MAP3K3: variants seen among roughly 807,000 people sequenced by gnomAD.
MAP3K3 encodes MAP/ERK kinase kinase 3.
In MAP3K3, 12 loss-of-function variants were observed where a neutral mutation model predicts 80.9. The observed-to-expected ratio is 0.15, with a 90% CI of 0.10 to 0.24. The LOEUF is 0.24. Ranked by LOEUF, MAP3K3 falls within the 10% of genes least tolerant of loss-of-function variation. The probability of loss-of-function intolerance (pLI) is 1.00; values close to 1 mark genes in which losing one functional copy is unlikely to be tolerated. For synonymous variants in MAP3K3, 272 were observed against 307.1 expected, an observed-to-expected ratio of 0.89 and a Z score of 1.19; for missense variants, 596 against 834.7, an observed-to-expected ratio of 0.71 and a Z score of 3.52.
In MAP3K3 at chr17:63,691,681, C is replaced by T. The variant is rs2035593993; in HGVS notation, c.1345-52C>T. 6 of 1,589,238 alleles carry T rather than the reference C, an allele frequency of 3.8e-6. No individual in the cohort carries two copies. Among genetic ancestry groups the T allele is most frequent in the Admixed American group, 3.4e-5 (2 of 58,816 alleles). Reference sequence around the variant, plus strand: ...TGCTGGGGGCTGGAATGGGCTTGCCCCTCCACCAGCCCTCCCCTGAGGGGA... The same window carrying T: ...TGCTGGGGGCTGGAATGGGCTTGCCTCTCCACCAGCCCTCCCCTGAGGGGA... On this transcript the variant is annotated intron_variant, in intron 13 of 15. Coordinates refer to ENST00000361733, the MANE Select transcript of MAP3K3 (RefSeq NM_002401.5). The surrounding 1 kb of genome is among the most constrained non-coding windows in gnomAD (Gnocchi z 4.8).
chr17:63,662,999 T>C (rs1200107180), intron 5 of MAP3K3, among the ~76,000 whole-genome samples: 2 of 151,784 alleles, frequency 1.3e-5, no homozygotes, highest in East Asian at 3.9e-4. Context: ...TTAGAATTAT[T>C]GTAGTCCTTG....
intron 6 of MAP3K3, among the ~76,000 whole-genome samples, chr17:63,675,182 A>C (rs920971573): frequency 1.3e-5 from 2 of 152,198 alleles, no homozygotes; most frequent in Non-Finnish European, 2.9e-5. Flanking sequence ...TCTTATGGAA[A>C]TTCTACCCAC....
intron 6 of MAP3K3, among the ~76,000 whole-genome samples, chr17:63,676,761 C>G (rs1484489887): frequency 6.6e-6 from 1 of 152,200 alleles, no homozygotes; most frequent in African/African-American, 2.4e-5. Flanking sequence ...GTCCAGAAGT[C>G]CAGTGCCCCT....
chr17:63,643,027 G>T (rs1278440191), intron 2 of MAP3K3, among the ~76,000 whole-genome samples: 1 of 151,330 alleles, frequency 6.6e-6, no homozygotes, highest in African/African-American at 2.4e-5. Flanking sequence ...CAAAGTGTTG[G>T]GGTTAGAAGC....
At chr17:63,649,494 C>T (rs2034607380) in intron 3 of MAP3K3, among the ~76,000 whole-genome samples, 1 of 151,810 alleles carries the variant, frequency 6.6e-6, no homozygotes, top group African/African-American at 2.4e-5. Flanking sequence ...GTGGTGTGAT[C>T]GTGGAGCCTC....
chr17:63,675,959 C>T lies in MAP3K3; in HGVS notation c.503-5807C>T, dbSNP rs150514652. Reference sequence around the variant, plus strand: ...TGTTTAGCTCCCTGTCTCACTTGCTCTCAACTGTTGTGTATCTCATTGGCT... The same window carrying T: ...TGTTTAGCTCCCTGTCTCACTTGCTTTCAACTGTTGTGTATCTCATTGGCT... On this transcript the variant is annotated intron_variant, in intron 6 of 15. Transcript: ENST00000361733. Among the ~76,000 whole-genome samples, 1,267 of 152,316 alleles carry T rather than the reference C, an allele frequency of 8.3e-3. 14 individuals carry two copies. The highest frequency in any genetic ancestry group is 0.014 in the Non-Finnish European group (948 of 68,030).
At chr17:63,637,192 CA>C (rs796796374) in intron 2 of MAP3K3, 5,343 of 77,806 alleles carry the variant, frequency 0.069, 19 homozygotes, top group Middle Eastern at 0.16. Context: ...TGAGACCAAC[CA>C]AAAAAAAAAA....
At chr17:63,661,999 A>G (rs1473832947) in intron 5 of MAP3K3, among the ~76,000 whole-genome samples, 2 of 152,118 alleles carry the variant, frequency 1.3e-5, no homozygotes, top group Non-Finnish European at 1.5e-5. Context: ...GCTACTCGGG[A>G]GGCTGAGGCA....
chr17:63,644,585 A>G (rs2034505644), intron 2 of MAP3K3, among the ~76,000 whole-genome samples: 1 of 152,244 alleles, frequency 6.6e-6, no homozygotes, highest in Non-Finnish European at 1.5e-5. Flanking sequence ...GTAAATACCA[A>G]TAGATATAAT....
In MAP3K3 at chr17:63,665,322, C is replaced by T. The variant is rs991410885; in HGVS notation, c.382-1618C>T. Among the ~76,000 whole-genome samples the T allele has an allele frequency of 9.9e-5, 15 of 151,924 alleles. No individual in the cohort carries two copies. The East Asian group carries it at 2.0e-3, about 20-fold the overall frequency. Reference sequence around the variant, plus strand: ...CTGGGACTACAGGTGCCTGCCACCACGCCCAGCTAATTTTTTGTATTTTTA... The same window carrying T: ...CTGGGACTACAGGTGCCTGCCACCATGCCCAGCTAATTTTTTGTATTTTTA... On this transcript the variant is annotated intron_variant, in intron 5 of 15. Transcript: ENST00000361733.
At position 63,689,977 on chromosome 17, in the gene MAP3K3, C is replaced by G; in HGVS notation, c.1063+242C>G. 1 of 579,930 alleles carries G rather than the reference C, an allele frequency of 1.7e-6. No homozygotes were observed. Among genetic ancestry groups the G allele is most frequent in the South Asian group, 2.3e-5 (1 of 44,300 alleles). 35.9% of individuals were successfully genotyped at this position (579,930 alleles called of 1,614,324 possible). A position where few individuals can be genotyped will look rare whatever the true frequency, so the allele number is the denominator to read the frequency against. ...ACTAGGGAAGAGCACACCCTTCATC[C>G]CTGCCATATTAAGATATTTAGGGGC... On this transcript the variant is annotated intron_variant, in intron 11 of 15. Transcript: ENST00000361733. The surrounding 1 kb of genome is among the most constrained non-coding windows in gnomAD (Gnocchi z 4.3).
Position 63,657,846 on chromosome 17 carries a change from T to C in MAP3K3, c.320T>C (p.Leu107Ser). The C allele has an allele frequency of 6.2e-7, 1 of 1,609,644 alleles. No individual in the cohort carries two copies. Among genetic ancestry groups the C allele is most frequent in the Non-Finnish European group, 8.5e-7 (1 of 1,177,182 alleles). The stretch of plus-strand genomic sequence containing the variant: ...GATCTTGATAAAGCAATTGACATTT[T>C]AGATAGAAGCTCAAGCATGAAAAGC... ...QDDLDKAIDI[L>S]DRSSSMKSLR... Residue 107 changes from leucine (L) to serine (S), a missense_variant, in exon 5 of 16, where the codon TTA becomes TCA. Physicochemically the swap from Leu to Ser is moderately radical, Grantham distance 145. This residue lies in a region of MAP3K3 where 232 missense variants were observed against 245.8 expected (regional missense o/e 0.94). Coordinates refer to ENST00000361733, the MANE Select transcript of MAP3K3 (RefSeq NM_002401.5).
chr17:63,653,273 A>G (rs1461886758), intron 4 of MAP3K3, among the ~76,000 whole-genome samples: 2 of 152,220 alleles, frequency 1.3e-5, no homozygotes, highest in African/African-American at 4.8e-5. Context: ...CAAGAAGAAT[A>G]TTACAGACTA....
intron 8 of MAP3K3, among the ~76,000 whole-genome samples, chr17:63,687,253 C>T (rs1009827450): frequency 6.7e-6 from 1 of 150,022 alleles, no homozygotes; most frequent in Non-Finnish European, 1.5e-5. Flanking sequence ...TGCCTGTAAT[C>T]CCAGCCCTTT....
At chr17:63,627,096 A>G in intron 1 of MAP3K3, among the ~76,000 whole-genome samples, 1 of 152,180 alleles carries the variant, frequency 6.6e-6, no homozygotes, top group East Asian at 1.9e-4. Context: ...TTCCTGCTGG[A>G]GCTAAAGAGA....
chr17:63,675,674 C>T (rs2035204217), intron 6 of MAP3K3, among the ~76,000 whole-genome samples: 1 of 152,152 alleles, frequency 6.6e-6, no homozygotes, highest in Non-Finnish European at 1.5e-5. Flanking sequence ...TCATGGGAAA[C>T]TGTGGGCCTC....
At chr17:63,678,346 G>A (rs2035261787) in intron 6 of MAP3K3, among the ~76,000 whole-genome samples, 1 of 152,162 alleles carries the variant, frequency 6.6e-6, no homozygotes, top group South Asian at 2.1e-4. Context: ...TTTCTGTTAG[G>A]ACTTAGAAAA....
At chr17:63,662,438 C>A (rs921341085) in intron 5 of MAP3K3, among the ~76,000 whole-genome samples, 1 of 151,622 alleles carries the variant, frequency 6.6e-6, no homozygotes, top group Non-Finnish European at 1.5e-5. Context: ...AATAACAACA[C>A]CTAGCACATA....
chr17:63,670,128 G>A (rs1474526491), intron 6 of MAP3K3, among the ~76,000 whole-genome samples: 1 of 151,630 alleles, frequency 6.6e-6, no homozygotes, highest in Non-Finnish European at 1.5e-5. Context: ...AATTACCAAA[G>A]TATCTACTAT....
Sources: gnomAD v4.1 joint callset for allele counts (sites outside exome capture counted in the v4.1 genomes callset) on GRCh38, gnomAD v4.1.1 for gene constraint, gnomAD v4.1.1 regional missense constraint, Gnocchi (gnomAD v3.1) non-coding constraint, MANE v1.5 for transcripts, NCBI Gene and HGNC (gene_info 2026-07-23, HGNC 2026-07-21) for gene names.